The following ANKMY1 variants were observed in gnomAD, a reference collection of about 807,000 sequenced individuals.
ANKMY1 encodes ankyrin repeat and MYND domain-containing protein 1.
In ANKMY1, 98 loss-of-function variants were observed where a neutral mutation model predicts 102.0. That is an observed-to-expected ratio of 0.96 (90% CI 0.82 to 1.14). ANKMY1 has a LOEUF of 1.14. Among genes scored for constraint, ANKMY1 ranks in the 50% most tolerant of loss-of-function variants. The pLI, the probability that ANKMY1 is intolerant of heterozygous loss-of-function variation, is 0.00. For synonymous variants in ANKMY1, 582 were observed against 559.9 expected, an observed-to-expected ratio of 1.04 and a Z score of -0.56; for missense variants, 1,330 against 1,347.6, an observed-to-expected ratio of 0.99 and a Z score of 0.20.
the ANKMY1 span, among the ~76,000 whole-genome samples, chr2:240,472,349 T>C: frequency 6.8e-6 from 1 of 147,302 alleles, no homozygotes; most frequent in Non-Finnish European, 1.5e-5. Flanking sequence ...CACTCTGCCA[T>C]GGTCTGAAGG....
Position 240,520,534 on chromosome 2 carries a change from C to G in ANKMY1, c.1833-1G>C. On this transcript the variant is annotated splice_acceptor_variant, in intron 8 of 17. Coordinates refer to ENST00000401804, the MANE Select transcript of ANKMY1 (RefSeq NM_001282771.3). LOFTEE classifies it high-confidence loss of function. This position sits in a 1 kb window ranked among gnomAD's most constrained non-coding sequence, Gnocchi z 4.8. ...GATGGTCCGCCAGCGCTTCCTCCGC[C>G]TGAAAAAGACGGTGCGCCCGTGGGC... 6.2e-7 allele frequency: 1 copy of G among 1,610,344 alleles called. No homozygotes were observed. The highest frequency in any genetic ancestry group is 8.5e-7 in the Non-Finnish European group (1 of 1,178,302).
intron 9 of ANKMY1, among the ~76,000 whole-genome samples, chr2:240,515,735 TGA>T (rs888481357): frequency 2.6e-5 from 4 of 152,098 alleles, no homozygotes; most frequent in Non-Finnish European, 5.9e-5. Flanking sequence ...AATTTTTTTT[TGA>T]GACTTAGTCT....
intron 8 of ANKMY1, among the ~76,000 whole-genome samples, chr2:240,521,078 A>G (rs2082146883): frequency 6.6e-6 from 1 of 152,110 alleles, no homozygotes; most frequent in South Asian, 2.1e-4. Context: ...CTTGGGCCTC[A>G]AGAGAGGCTG....
At chr2:240,555,926 T>C (rs576756387) in intron 2 of ANKMY1, among the ~76,000 whole-genome samples, 2 of 152,038 alleles carry the variant, frequency 1.3e-5, no homozygotes, top group South Asian at 4.2e-4. Flanking sequence ...CCCCCACAGA[T>C]GGATGGGGCG....
intron 12 of ANKMY1, among the ~76,000 whole-genome samples, chr2:240,508,756 AT>A (rs1323942214): frequency 9.3e-6 from 1 of 107,364 alleles, no homozygotes; most frequent in Non-Finnish European, 1.8e-5. Flanking sequence ...TAAATGATAG[AT>A]GGATGAATGA....
intron 9 of ANKMY1, among the ~76,000 whole-genome samples, chr2:240,515,724 T>A (rs2081069711): frequency 6.6e-6 from 1 of 152,070 alleles, no homozygotes; most frequent in African/African-American, 2.4e-5. Context: ...TAATAAAAGA[T>A]AATTTTTTTT....
chr2:240,523,312 G>T (rs1245294245), intron 8 of ANKMY1: 1 of 153,914 alleles, frequency 6.5e-6, no homozygotes, highest in Non-Finnish European at 1.4e-5. Context: ...CACGCTGGGG[G>T]CTGGTGGTCT....
chr2:240,486,885 T>TTTATTATTATTTACACAAATATTA (rs1553558374), intron 15 of ANKMY1, among the ~76,000 whole-genome samples: 5 of 152,130 alleles, frequency 3.3e-5, no homozygotes, highest in Non-Finnish European at 7.4e-5. Context: ...ATTGCATCCT[T>TTTATTATTATTTACACAAATATTA]TTATTATTAT....
the ANKMY1 span, among the ~76,000 whole-genome samples, chr2:240,469,196 T>C: frequency 2.0e-5 from 3 of 152,338 alleles, no homozygotes; most frequent in East Asian, 5.8e-4. Flanking sequence ...AAGCCCTTTT[T>C]GAACCTGGGC....
chr2:240,527,762 T>TGGGC (rs1261801831), intron 5 of ANKMY1: 1 of 151,946 alleles, frequency 6.6e-6, no homozygotes, highest in African/African-American at 2.4e-5. Flanking sequence ...GGTAGATGAA[T>TGGGC]AGGTAGGTGT....
chr2:240,552,283 G>C (rs1237894292), intron 4 of ANKMY1, among the ~76,000 whole-genome samples: 1 of 152,040 alleles, frequency 6.6e-6, no homozygotes, highest in Admixed American at 6.6e-5. Flanking sequence ...TATTGGCTCA[G>C]AATAAACCTC....
rs968721713 is a variant in ANKMY1, at chr2:240,517,581, G to C, written c.2004+2781C>G. ...CCCTAGCACTTCGGGAGGCCAAGGC[G>C]GGAGGACTGCTTGAGTCCAGGAGTT... On this transcript the variant is annotated intron_variant, in intron 9 of 17. Coordinates refer to ENST00000401804, the MANE Select transcript of ANKMY1 (RefSeq NM_001282771.3). 5.9e-5 allele frequency among the ~76,000 whole-genome samples: 9 copies of C among 152,168 alleles called. No homozygotes were observed. In the East Asian group the frequency reaches 1.5e-3, roughly 26 times the overall value.
intron 1 of ANKMY1, 116 bp downstream of exon 1, chr2:240,557,765 T>G: frequency 2.0e-6 from 1 of 503,406 alleles, no homozygotes; most frequent in Non-Finnish European, 2.5e-6. Flanking sequence ...CCCCAGCCCC[T>G]CGGCCCCTCC....
chr2:240,554,596 TA>T, intron 3 of ANKMY1: 1 of 418,854 alleles, frequency 2.4e-6, no homozygotes, highest in Non-Finnish European at 4.3e-6. Context: ...TGGCAATTCA[TA>T]ATTTTAAAAC....
At chr2:240,551,154 T>TA (rs1329986556) in intron 4 of ANKMY1, among the ~76,000 whole-genome samples, 5 of 125,024 alleles carry the variant, frequency 4.0e-5, no homozygotes, top group African/African-American at 1.3e-4. Flanking sequence ...CTTTTTATGT[T>TA]TTTTTTTTTT....
Position 240,554,859 on chromosome 2 carries a change from C to T in ANKMY1, c.336+7G>A. The T allele has an allele frequency of 6.2e-7, 1 of 1,613,948 alleles. No homozygotes were observed. Among genetic ancestry groups the T allele is most frequent in the South Asian group, 1.1e-5 (1 of 91,072 alleles). ...GGAGGAGGCGGAGAAAGTGTGGAAGCAGTTACCTCGCCTGTGGGCCAAGAG... is the reference window on the plus strand; with the variant it reads ...GGAGGAGGCGGAGAAAGTGTGGAAGTAGTTACCTCGCCTGTGGGCCAAGAG... On this transcript the variant is annotated splice_region_variant and intron_variant, in intron 3 of 17. Coordinates refer to ENST00000401804, the MANE Select transcript of ANKMY1 (RefSeq NM_001282771.3).
chr2:240,554,800 G>A, intron 3 of ANKMY1, 66 bp downstream of exon 3: 3 of 1,575,172 alleles, frequency 1.9e-6, no homozygotes, highest in Non-Finnish European at 2.6e-6. Flanking sequence ...CATCACTCTT[G>A]GAAGGATAAA....
chr2:240,503,914 T>C (rs1327387824), intron 13 of ANKMY1, among the ~76,000 whole-genome samples: 1 of 152,176 alleles, frequency 6.6e-6, no homozygotes, highest in Non-Finnish European at 1.5e-5. Flanking sequence ...CAGACATGCA[T>C]GCAGGCAGAG....
At chr2:240,555,799 C>T (rs1488554921) in intron 2 of ANKMY1, among the ~76,000 whole-genome samples, 1 of 152,032 alleles carries the variant, frequency 6.6e-6, no homozygotes, top group Non-Finnish European at 1.5e-5. Context: ...TGGGGTGTCT[C>T]AGACCCCTAC....
Sources: allele counts gnomAD v4.1 joint callset (sites outside exome capture counted in the v4.1 genomes callset), GRCh38; gene constraint gnomAD v4.1.1; non-coding constraint Gnocchi (gnomAD v3.1); transcripts MANE v1.5; gene names NCBI Gene and HGNC (gene_info 2026-07-23, HGNC 2026-07-21).